Variants in HS3ST3A1 observed in about 807,000 individuals in gnomAD.
HS3ST3A1 encodes the protein heparan sulfate-glucosamine 3-sulfotransferase 3A1, also known as heparan sulfate glucosamine 3-O-sulfotransferase 3A1.
Under a neutral mutation model 25.7 loss-of-function variants are expected in HS3ST3A1, and 19 were observed. The observed-to-expected ratio is 0.74, with a 90% CI of 0.52 to 1.08. HS3ST3A1 has a LOEUF of 1.08. Among genes scored for constraint, HS3ST3A1 ranks in the 50% least tolerant of loss-of-function variants. The probability of loss-of-function intolerance (pLI) is 0.00; values close to 1 mark genes in which losing one functional copy is unlikely to be tolerated. For missense variants in HS3ST3A1, 459 were observed against 594.3 expected, an observed-to-expected ratio of 0.77 and a Z score of 2.37; for synonymous variants, 226 against 278.6, an observed-to-expected ratio of 0.81 and a Z score of 1.88.
intron 1 of HS3ST3A1, among the ~76,000 whole-genome samples, chr17:13,503,833 G>A (rs1421028619): frequency 1.3e-5 from 2 of 152,142 alleles, no homozygotes; most frequent in Non-Finnish European, 2.9e-5. Flanking sequence ...CATTCACTGT[G>A]ACCCAGCCAT....
At chr17:13,512,463 C>T (rs35603249) in intron 1 of HS3ST3A1, among the ~76,000 whole-genome samples, 16,132 of 152,070 alleles carry the variant, frequency 0.11, 1,048 homozygotes, top group Non-Finnish European at 0.15. Flanking sequence ...TTCCTTTTGA[C>T]GAGATGAAAG....
In HS3ST3A1 at chr17:13,600,692, G is replaced by A; in HGVS notation, c.438C>T (p.Asp146=). Reference sequence around the variant, plus strand: ...CCTGCGGCAGCTGCTTGCTGCCTTCGTCCAGGAGCAGCGCCAGGGTCCCCG... The same window carrying A: ...CCTGCGGCAGCTGCTTGCTGCCTTCATCCAGGAGCAGCGCCAGGGTCCCCG... The part of the protein sequence containing the change: ...APPGTLALLL[D]EGSKQLPQAI... Residue 146 remains aspartate (D), a synonymous_variant, in exon 1 of 2, where the codon GAC becomes GAT. Transcript: ENST00000284110. The A allele has an allele frequency of 1.3e-6, 2 of 1,578,048 alleles. No homozygotes were observed. Among genetic ancestry groups the A allele is most frequent in the South Asian group, 2.3e-5 (2 of 87,936 alleles).
intron 1 of HS3ST3A1, among the ~76,000 whole-genome samples, chr17:13,575,103 C>CA (rs11450860): frequency 0.057 from 8,746 of 152,126 alleles, 843 homozygotes; most frequent in African/African-American, 0.2. Context: ...GGCTTTCCCC[C>CA]ATTTGCTTTA....
intron 1 of HS3ST3A1, among the ~76,000 whole-genome samples, chr17:13,508,965 T>C (rs1905774026): frequency 1.7e-5 from 2 of 120,150 alleles, no homozygotes; most frequent in African/African-American, 7.4e-5. Flanking sequence ...TCTCTTTAAT[T>C]TTTTTTTTTT....
chr17:13,523,896 C>A (rs1261351564), intron 1 of HS3ST3A1, among the ~76,000 whole-genome samples: 2 of 151,980 alleles, frequency 1.3e-5, no homozygotes, highest in African/African-American at 2.4e-5. Context: ...AGTTTGGGGG[C>A]ATGAATGCTT....
chr17:13,519,330 C>T (rs191240569), intron 1 of HS3ST3A1, among the ~76,000 whole-genome samples: 9 of 152,192 alleles, frequency 5.9e-5, no homozygotes, highest in Admixed American at 4.6e-4. Flanking sequence ...TTATCTATCA[C>T]GCTGATAGGT....
At chr17:13,534,691 T>A (rs940930920) in intron 1 of HS3ST3A1, among the ~76,000 whole-genome samples, 1 of 151,622 alleles carries the variant, frequency 6.6e-6, no homozygotes, top group Non-Finnish European at 1.5e-5. Flanking sequence ...ATGCTGCCAC[T>A]GCCATCCAGC....
chr17:13,595,682 G>C (rs868757671), intron 1 of HS3ST3A1, among the ~76,000 whole-genome samples: 1 of 152,162 alleles, frequency 6.6e-6, no homozygotes, highest in Non-Finnish European at 1.5e-5. Context: ...ACCAAGAAAC[G>C]ATGCTCTTTT....
At chr17:13,530,717 C>T (rs901320783) in intron 1 of HS3ST3A1, among the ~76,000 whole-genome samples, 1 of 152,136 alleles carries the variant, frequency 6.6e-6, no homozygotes. Flanking sequence ...CTGCTTTATC[C>T]TCCCCATGGC....
intron 1 of HS3ST3A1, among the ~76,000 whole-genome samples, chr17:13,532,573 A>G (rs1906635174): frequency 6.6e-6 from 1 of 151,096 alleles, no homozygotes; most frequent in East Asian, 2.0e-4. Flanking sequence ...GAGGGGGGCC[A>G]GAATGAAAGG....
chr17:13,505,808 C>G (rs1232622309), intron 1 of HS3ST3A1, among the ~76,000 whole-genome samples: 1 of 151,884 alleles, frequency 6.6e-6, no homozygotes, highest in African/African-American at 2.4e-5. Flanking sequence ...GGCAGATCAC[C>G]AGGTCAGGAG....
At chr17:13,599,775 G>C (rs1231160844) in intron 1 of HS3ST3A1, among the ~76,000 whole-genome samples, 6 of 152,158 alleles carry the variant, frequency 3.9e-5, no homozygotes, top group Non-Finnish European at 8.8e-5. Flanking sequence ...TTTTCTCTCT[G>C]TTGTCTTCTT....
intron 1 of HS3ST3A1, among the ~76,000 whole-genome samples, chr17:13,542,619 A>G (rs1275970423): frequency 6.6e-6 from 1 of 151,914 alleles, no homozygotes; most frequent in Non-Finnish European, 1.5e-5. Flanking sequence ...GTAGCCTGTG[A>G]TATTTCGAAA....
Position 13,601,344 on chromosome 17 carries a change from A to G in HS3ST3A1, c.-215T>C. The stretch of plus-strand genomic sequence containing the variant: ...CGCGCAGGATCCCTGCCTCCAGTCG[A>G]GGGAGCGGGAAGGGGAACGCGGGTC... On this transcript the variant is annotated 5_prime_UTR_variant, in exon 1 of 2. Coordinates refer to ENST00000284110, the MANE Select transcript of HS3ST3A1 (RefSeq NM_006042.3). 2.0e-6 allele frequency: 1 copy of G among 495,086 alleles called. No homozygotes were observed. The allele number at this position is 495,086 out of a possible 1,614,324, so 30.7% of individuals were successfully genotyped here. A position where few individuals can be genotyped will look rare whatever the true frequency, so the allele number is the denominator to read the frequency against.
chr17:13,563,762 CT>C (rs2071477638), intron 1 of HS3ST3A1, among the ~76,000 whole-genome samples: 1 of 152,164 alleles, frequency 6.6e-6, no homozygotes, highest in Non-Finnish European at 1.5e-5. Context: ...TGCTGTCTCT[CT>C]TTCTGGCAAT....
At position 13,526,329 on chromosome 17, in the gene HS3ST3A1, C is replaced by T. The variant is rs76267990; in HGVS notation, c.600-29511G>A. On this transcript the variant is annotated intron_variant, in intron 1 of 1. Transcript: ENST00000284110. ...ATTTATGAGCTCTTTAGTAGGTAGA[C>T]GGTGATTGTTCTTTTTCCGTTACTG... 9.1e-3 allele frequency among the ~76,000 whole-genome samples: 1,380 copies of T among 151,640 alleles called. 7 individuals carry two copies. The highest frequency in any genetic ancestry group is 0.017 in the Middle Eastern group (5 of 292).
intron 1 of HS3ST3A1, among the ~76,000 whole-genome samples, chr17:13,506,338 G>A (rs1905675082): frequency 6.6e-6 from 1 of 152,076 alleles, no homozygotes; most frequent in Admixed American, 6.6e-5. Context: ...AAAGTTTATT[G>A]TCCTCAATGT....
At chr17:13,519,168 A>T (rs961764387) in intron 1 of HS3ST3A1, among the ~76,000 whole-genome samples, 4 of 152,174 alleles carry the variant, frequency 2.6e-5, no homozygotes, top group Non-Finnish European at 5.9e-5. Context: ...TTTTGCTTTG[A>T]TCCATTTTCT....
In HS3ST3A1 at chr17:13,550,718, A is replaced by G. The variant is rs563161920; in HGVS notation, c.599+49813T>C. On this transcript the variant is annotated intron_variant, in intron 1 of 1. Transcript: ENST00000284110. ...GAAGGCAAACACCAAAACAACAACA[A>G]CAACAACAACAACAACAAAACAGAT... Among the ~76,000 whole-genome samples, 30 of 152,148 alleles carry G rather than the reference A, an allele frequency of 2.0e-4. No individual in the cohort carries two copies. In the East Asian group the frequency reaches 5.6e-3, roughly 28 times the overall value.
Sources: allele counts gnomAD v4.1 joint callset (sites outside exome capture counted in the v4.1 genomes callset), GRCh38; gene constraint gnomAD v4.1.1; transcripts MANE v1.5; gene names NCBI Gene and HGNC (gene_info 2026-07-23, HGNC 2026-07-21).